Variants in MAGT1 observed in about 807,000 individuals in gnomAD.
The protein encoded by MAGT1 is dolichyl-diphosphooligosaccharide--protein glycosyltransferase subunit MAGT1.
A neutral mutation model predicts 28.4 loss-of-function variants in MAGT1; 4 were observed. The ratio of observed to expected loss-of-function variants is 0.14; its 90% CI spans 0.07 to 0.32. The LOEUF (loss-of-function observed/expected upper bound fraction) is 0.32, where lower values mean the gene tolerates loss of function less well. MAGT1 is among the 10% of genes least tolerant of loss of function. The pLI, the probability that MAGT1 is intolerant of heterozygous loss-of-function variation, is 1.00. For missense variants in MAGT1, 193 were observed against 264.5 expected, an observed-to-expected ratio of 0.73 and a Z score of 1.88; for synonymous variants, 89 against 89.7, an observed-to-expected ratio of 0.99 and a Z score of 0.04.
chrX:77,847,125 G>A (rs782318019), intron 7 of MAGT1, among the ~76,000 whole-genome samples: 12 of 112,155 alleles, frequency 1.1e-4, no homozygotes, highest in African/African-American at 3.2e-4. Context: ...CTCAAGCCTC[G>A]GCAATGGTGG....
chrX:77,828,441 C>G lies in MAGT1; in HGVS notation c.*779G>C, dbSNP rs1231731445. On this transcript the variant is annotated 3_prime_UTR_variant, in exon 10 of 10. Coordinates refer to ENST00000618282, the MANE Select transcript of MAGT1 (RefSeq NM_001367916.1). ...ATTAGCCTGGCATGGCGGTGCACAC[C>G]TGTAAATCCCAGCTACTTGGGAAGC... 9.0e-6 allele frequency: 1 copy of G among 110,689 alleles called. No homozygotes were observed. The highest frequency in any genetic ancestry group is 1.9e-5 in the Non-Finnish European group (1 of 53,148). 9.1% of individuals were successfully genotyped at this position (110,689 alleles called of 1,213,427 possible).
intron 8 of MAGT1, among the ~76,000 whole-genome samples, chrX:77,835,775 C>T (rs2076915732): frequency 9.0e-6 from 1 of 110,847 alleles, no homozygotes; most frequent in African/African-American, 3.3e-5. Flanking sequence ...AAATAAGATC[C>T]TGTCACTTGC....
At chrX:77,876,843 G>A (rs1304459565) in intron 1 of MAGT1, among the ~76,000 whole-genome samples, 2 of 109,318 alleles carry the variant, frequency 1.8e-5, no homozygotes, top group African/African-American at 3.3e-5. Flanking sequence ...GAGAAACCCC[G>A]TCTGTACCAA....
intron 7 of MAGT1, among the ~76,000 whole-genome samples, chrX:77,848,390 C>T (rs1461836039): frequency 1.8e-5 from 2 of 112,349 alleles, no homozygotes; most frequent in South Asian, 3.7e-4. Flanking sequence ...TGGTGGCTCA[C>T]GCTTGTGGCC....
At chrX:77,878,817 GA>G (rs1176191110) in intron 1 of MAGT1, among the ~76,000 whole-genome samples, 22 of 95,612 alleles carry the variant, frequency 2.3e-4, no homozygotes, top group African/African-American at 5.7e-4. Flanking sequence ...AAAAAAAAAA[GA>G]AAAAAAAATC....
intron 1 of MAGT1, among the ~76,000 whole-genome samples, chrX:77,882,401 T>C (rs782073395): frequency 8.9e-6 from 1 of 111,891 alleles, no homozygotes; most frequent in African/African-American, 3.2e-5. Context: ...AATTTTGCCA[T>C]ATTTTCAAGT....
chrX:77,877,858 AAAATAAAAT>A lies in MAGT1; in HGVS notation c.103-2270_103-2262del, dbSNP rs1557218022. 5.1e-4 allele frequency among the ~76,000 whole-genome samples: 53 copies of A among 103,545 alleles called. 2 individuals carry two copies. The East Asian group carries it at 0.012, about 24-fold the overall frequency. The allele number at this position is 103,545 out of a possible 115,157, so 89.9% of individuals were successfully genotyped here. A position where few individuals can be genotyped will look rare whatever the true frequency, so the allele number is the denominator to read the frequency against. ...AAAATAAAATAAAATAAAATAAAAT[AAAATAAAAT>A]AAAATATACTGACAATATCAAATGC... On this transcript the variant is annotated intron_variant, in intron 1 of 9. Transcript: ENST00000618282.
chrX:77,833,470 T>C (rs1378576557), intron 8 of MAGT1, among the ~76,000 whole-genome samples: 4 of 111,911 alleles, frequency 3.6e-5, no homozygotes, highest in Non-Finnish European at 7.5e-5. Flanking sequence ...GTGAAAACAA[T>C]AATTAAAGCA....
At chrX:77,830,134 T>C (rs2076893501) in intron 9 of MAGT1, among the ~76,000 whole-genome samples, 1 of 111,762 alleles carries the variant, frequency 8.9e-6, no homozygotes, top group East Asian at 2.8e-4. Flanking sequence ...CCAGCCTGGG[T>C]AACATAGCAA....
At chrX:77,838,644 G>A (rs1276679160) in intron 8 of MAGT1, among the ~76,000 whole-genome samples, 1 of 108,512 alleles carries the variant, frequency 9.2e-6, no homozygotes, top group Non-Finnish European at 1.9e-5. Context: ...TGTAATCCCA[G>A]CTACATGGGA....
intron 1 of MAGT1, among the ~76,000 whole-genome samples, chrX:77,893,998 C>A (rs998412137): frequency 1.8e-5 from 2 of 112,066 alleles, no homozygotes; most frequent in Non-Finnish European, 3.8e-5. Flanking sequence ...CATCGATAAT[C>A]CCAACTGCCT....
At chrX:77,864,002 A>G (rs111992568) in intron 3 of MAGT1, among the ~76,000 whole-genome samples, 1 of 111,320 alleles carries the variant, frequency 9.0e-6, no homozygotes, top group African/African-American at 3.3e-5. Flanking sequence ...TGGGCGACAG[A>G]GAAAGACTCC....
At chrX:77,863,487 CACTCCAGA>C (rs1178666565) in intron 3 of MAGT1, among the ~76,000 whole-genome samples, 130 of 103,740 alleles carry the variant, frequency 1.3e-3, no homozygotes, top group African/African-American at 4.4e-3. Context: ...TGCACTCCAG[CACTCCAGA>C]GGGAGACTCC....
At chrX:77,859,660 A>G (rs781872998) in intron 3 of MAGT1, among the ~76,000 whole-genome samples, 1 of 111,926 alleles carries the variant, frequency 8.9e-6, no homozygotes, top group Non-Finnish European at 1.9e-5. Context: ...TGAGGTCAGG[A>G]GCTCGAGACC....
At chrX:77,893,739 TAA>T (rs1424995580) in intron 1 of MAGT1, among the ~76,000 whole-genome samples, 8 of 110,932 alleles carry the variant, frequency 7.2e-5, no homozygotes, top group Admixed American at 3.8e-4. Context: ...TACAAAAAGA[TAA>T]AAAAGTAGCC....
chrX:77,835,826 T>A (rs1295295948), intron 8 of MAGT1, among the ~76,000 whole-genome samples: 1 of 111,028 alleles, frequency 9.0e-6, no homozygotes, highest in Non-Finnish European at 1.9e-5. Context: ...ATTGTTGAGA[T>A]GGAGTCTCGC....
chrX:77,861,122 T>A (rs1243198644), intron 3 of MAGT1, among the ~76,000 whole-genome samples: 2 of 108,193 alleles, frequency 1.8e-5, no homozygotes, highest in African/African-American at 6.8e-5. Context: ...GAGGTTGTGG[T>A]GAGCCGAGAT....
chrX:77,846,781 T>C (rs908412215), intron 7 of MAGT1, among the ~76,000 whole-genome samples: 3 of 111,559 alleles, frequency 2.7e-5, no homozygotes, highest in Non-Finnish European at 3.8e-5. Flanking sequence ...GCTGCCTGAT[T>C]GTTCCTCTGG....
intron 7 of MAGT1, among the ~76,000 whole-genome samples, chrX:77,847,471 A>G (rs1301736423): frequency 3.6e-5 from 4 of 112,101 alleles, no homozygotes; most frequent in Non-Finnish European, 5.6e-5. Flanking sequence ...CCCCAGTGAG[A>G]TGAACCCAGT....
Sources: gnomAD v4.1 joint callset for allele counts (sites outside exome capture counted in the v4.1 genomes callset) on GRCh38, gnomAD v4.1.1 for gene constraint, MANE v1.5 for transcripts, NCBI Gene and HGNC (gene_info 2026-07-23, HGNC 2026-07-21) for gene names.